The following E2F3 variants were observed in gnomAD, a reference collection of about 807,000 sequenced individuals.
The protein encoded by E2F3 is transcription factor E2F3.
E2F3 carries 11 observed loss-of-function variants against 44.4 expected under a neutral mutation model. That is an observed-to-expected ratio of 0.25 (90% CI 0.16 to 0.41). The LOEUF is 0.41. E2F3 is among the 10% of genes least tolerant of loss of function. E2F3 has a pLI of 1.00. For synonymous variants in E2F3, 249 were observed against 253.0 expected, an observed-to-expected ratio of 0.98 and a Z score of 0.15; for missense variants, 487 against 583.6, an observed-to-expected ratio of 0.83 and a Z score of 1.70.
intron 1 of E2F3, among the ~76,000 whole-genome samples, chr6:20,452,943 A>G (rs552718253): frequency 6.6e-5 from 10 of 151,198 alleles, no homozygotes; most frequent in East Asian, 1.9e-4. Flanking sequence ...ACAGAGTGAG[A>G]CTCCATCTCA....
At chr6:20,435,795 A>G (rs1231456838) in intron 1 of E2F3, among the ~76,000 whole-genome samples, 1 of 152,114 alleles carries the variant, frequency 6.6e-6, no homozygotes, top group Non-Finnish European at 1.5e-5. Flanking sequence ...GCTGAACACC[A>G]TAATTAAAGG....
At chr6:20,454,098 A>G (rs1248191057) in intron 1 of E2F3, among the ~76,000 whole-genome samples, 1 of 152,242 alleles carries the variant, frequency 6.6e-6, no homozygotes, top group African/African-American at 2.4e-5. Flanking sequence ...AGCCTGAAGA[A>G]ACATTTCTTG....
At chr6:20,453,333 A>G (rs1243030318) in intron 1 of E2F3, among the ~76,000 whole-genome samples, 1 of 152,084 alleles carries the variant, frequency 6.6e-6, no homozygotes, top group African/African-American at 2.4e-5. Flanking sequence ...CTATGCTATT[A>G]CTTTTTTTAC....
chr6:20,472,025 AAC>A (rs57925127), intron 1 of E2F3, among the ~76,000 whole-genome samples: 11,171 of 138,308 alleles, frequency 0.081, 466 homozygotes, highest in African/African-American at 0.12. Flanking sequence ...CCCCCCCTCC[AAC>A]ACACACACAC....
At chr6:20,419,539 T>C (rs1312189426) in intron 1 of E2F3, among the ~76,000 whole-genome samples, 1 of 149,126 alleles carries the variant, frequency 6.7e-6, no homozygotes, top group Non-Finnish European at 1.5e-5. Context: ...TTTTATTTAT[T>C]TATTTATTTA....
intron 1 of E2F3, among the ~76,000 whole-genome samples, chr6:20,420,291 A>T (rs1759981460): frequency 1.3e-5 from 2 of 152,330 alleles, no homozygotes; most frequent in South Asian, 4.1e-4. Flanking sequence ...GAAAAAGACG[A>T]ATTAGTAAAT....
intron 1 of E2F3, among the ~76,000 whole-genome samples, chr6:20,449,875 G>T (rs1230811079): frequency 6.6e-6 from 1 of 152,144 alleles, no homozygotes; most frequent in Non-Finnish European, 1.5e-5. Context: ...TGCAGTATAT[G>T]GTTTTCCGTT....
intron 1 of E2F3, among the ~76,000 whole-genome samples, chr6:20,411,107 G>C (rs1408243900): frequency 6.6e-6 from 1 of 152,158 alleles, no homozygotes; most frequent in Non-Finnish European, 1.5e-5. Context: ...TGAAGAATAA[G>C]CTTCTTGTAG....
chr6:20,466,165 T>C (rs1334402147), intron 1 of E2F3, among the ~76,000 whole-genome samples: 2 of 151,864 alleles, frequency 1.3e-5, no homozygotes, highest in Non-Finnish European at 2.9e-5. Flanking sequence ...CAGGCTGGAG[T>C]GCAGTGTCGT....
chr6:20,438,692 T>C (rs1044997739), intron 1 of E2F3, among the ~76,000 whole-genome samples: 1 of 152,196 alleles, frequency 6.6e-6, no homozygotes, highest in African/African-American at 2.4e-5. Context: ...GAAGGGAATC[T>C]GGTAATTACA....
At chr6:20,485,073 C>T (rs1413614306) in intron 4 of E2F3, among the ~76,000 whole-genome samples, 4 of 151,618 alleles carry the variant, frequency 2.6e-5, no homozygotes, top group Admixed American at 6.6e-5. Context: ...CCATTAAATA[C>T]GTTATACTAC....
At chr6:20,404,784 C>G (rs189310555) in intron 1 of E2F3, among the ~76,000 whole-genome samples, 44 of 152,246 alleles carry the variant, frequency 2.9e-4, no homozygotes, top group Admixed American at 4.6e-4. Context: ...CCTGCTTAGA[C>G]ATAGCAGTAT....
Position 20,487,970 on chromosome 6 carries a change from A to G in E2F3, c.1000-143A>G, listed in dbSNP as rs145212728. The G allele has an allele frequency of 3.7e-3, 4,209 of 1,133,520 alleles. 17 individuals are homozygous for G. The highest frequency in any genetic ancestry group is 4.4e-3 in the Non-Finnish European group (3,481 of 793,386). The allele number at this position is 1,133,520 out of a possible 1,614,324, so 70.2% of individuals were successfully genotyped here. A position where few individuals can be genotyped will look rare whatever the true frequency, so the allele number is the denominator to read the frequency against. ...GCTGACCCCTGCTCTAGAGGATGACAGTCTTTCATAGAGTTGGACTAGTAG... is the reference window on the plus strand; with the variant it reads ...GCTGACCCCTGCTCTAGAGGATGACGGTCTTTCATAGAGTTGGACTAGTAG... On this transcript the variant is annotated intron_variant, in intron 5 of 6. Coordinates refer to ENST00000346618, the MANE Select transcript of E2F3 (RefSeq NM_001949.5).
At chr6:20,426,074 G>C (rs1760205577) in intron 1 of E2F3, among the ~76,000 whole-genome samples, 1 of 152,222 alleles carries the variant, frequency 6.6e-6, no homozygotes, top group African/African-American at 2.4e-5. Context: ...CTGTGACAAT[G>C]AGTCCATTTG....
chr6:20,478,079 G>T (rs1377079260), intron 1 of E2F3, among the ~76,000 whole-genome samples: 3 of 151,986 alleles, frequency 2.0e-5, no homozygotes, highest in African/African-American at 2.4e-5. Flanking sequence ...TGCACCTGTG[G>T]TCCCATCTAC....
chr6:20,442,949 G>A (rs375077751), intron 1 of E2F3, among the ~76,000 whole-genome samples: 7 of 145,048 alleles, frequency 4.8e-5, no homozygotes, highest in Non-Finnish European at 1.0e-4. Flanking sequence ...CAGCCTGGGC[G>A]ACAAGAGCAA....
chr6:20,432,516 G>A (rs1445829003), intron 1 of E2F3, among the ~76,000 whole-genome samples: 2 of 152,230 alleles, frequency 1.3e-5, no homozygotes, highest in East Asian at 1.9e-4. Context: ...CAGACCTTAC[G>A]TTTAGGGAAA....
In E2F3 at chr6:20,462,859, C is replaced by CTT. The variant is rs780366667; in HGVS notation, c.394-16951_394-16950dup. Among the ~76,000 whole-genome samples the CTT allele has an allele frequency of 4.3e-4, 21 of 48,846 alleles. 3 individuals are homozygous for CTT. Among genetic ancestry groups the CTT allele is most frequent in the Non-Finnish European group, 5.1e-4 (14 of 27,460 alleles). 32.0% of individuals were successfully genotyped at this position (48,846 alleles called of 152,430 possible). A position where few individuals can be genotyped will look rare whatever the true frequency, so the allele number is the denominator to read the frequency against. On this transcript the variant is annotated intron_variant, in intron 1 of 6. Transcript: ENST00000346618. ...TGTTTTGTTCTCTTTCTCTCTCTCT[C>CTT]TTTTTTTTTTTTTTTTTTTTTTTTT...
chr6:20,449,956 A>T (rs1319907013), intron 1 of E2F3, among the ~76,000 whole-genome samples: 1 of 151,232 alleles, frequency 6.6e-6, no homozygotes, highest in African/African-American at 2.5e-5. Flanking sequence ...CAGTCTCATT[A>T]TTTTTATGGC....
Sources: allele counts gnomAD v4.1 joint callset (sites outside exome capture counted in the v4.1 genomes callset), GRCh38; gene constraint gnomAD v4.1.1; transcripts MANE v1.5; gene names NCBI Gene and HGNC (gene_info 2026-07-23, HGNC 2026-07-21).